CLN6: variants seen among roughly 807,000 people sequenced by gnomAD.
The protein encoded by CLN6 is CLN6 transmembrane ER protein, also known as ceroid-lipofuscinosis neuronal protein 6.
A neutral mutation model predicts 33.3 loss-of-function variants in CLN6; 22 were observed. That is an observed-to-expected ratio of 0.66 (90% confidence interval 0.47 to 0.94). The LOEUF is 0.94. Ranked by LOEUF, CLN6 falls within the 40% of genes least tolerant of loss-of-function variation. The probability of loss-of-function intolerance (pLI) is 0.00; values close to 1 mark genes in which losing one functional copy is unlikely to be tolerated. For synonymous variants in CLN6, 201 were observed against 174.6 expected, an observed-to-expected ratio of 1.15 and a Z score of -1.19; for missense variants, 387 against 417.1, an observed-to-expected ratio of 0.93 and a Z score of 0.63.
At chr15:68,238,299 G>C (rs1461544931) in intron 1 of CLN6, among the ~76,000 whole-genome samples, 1 of 151,978 alleles carries the variant, frequency 6.6e-6, no homozygotes, top group Non-Finnish European at 1.5e-5. Context: ...AGCTACTCGG[G>C]AGGCTGAGGC....
At chr15:68,234,578 C>T (rs1204067919), upstream of CLN6, among the ~76,000 whole-genome samples, 3 of 152,192 alleles carry the variant, frequency 2.0e-5, no homozygotes, top group South Asian at 2.1e-4. The surrounding 1 kb of genome is among the most constrained non-coding windows in gnomAD (Gnocchi z 4.1). Flanking sequence ...CCTGCTGTCC[C>T]CATGACAGCC....
chr15:68,247,888 T>C lies in CLN6; in HGVS notation c.179+8802A>G, dbSNP rs1892342483. On this transcript the variant is annotated intron_variant, in intron 1 of 6. Coordinates refer to the CLN6 transcript ENST00000538696. The surrounding 1 kb of genome is among the most constrained non-coding windows in gnomAD (Gnocchi z 4.2). ...TACTAAAAATACAAAATTAGCTGGG[T>C]GTGGTGGCACATGCCTGTAATCCTA... 1.3e-5 allele frequency among the ~76,000 whole-genome samples: 2 copies of C among 151,878 alleles called. No individual in the cohort carries two copies. The highest frequency in any genetic ancestry group is 4.8e-5 in the African/African-American group (2 of 41,330).
rs6494725 is a variant in CLN6, at chr15:68,242,679, T to C, written c.179+14011A>G. On this transcript the variant is annotated intron_variant, in intron 1 of 6. Coordinates refer to the CLN6 transcript ENST00000538696. This position sits in a 1 kb window ranked among gnomAD's most constrained non-coding sequence, Gnocchi z 5.0. The stretch of plus-strand genomic sequence containing the variant: ...GAAATAAAGACAGTTTTAAAGATTA[T>C]TGGTAAAATAAAATGTCTTGAAAGT... Among the ~76,000 whole-genome samples, 10,954 of 152,258 alleles carry C rather than the reference T, an allele frequency of 0.072. 1,103 individuals are homozygous for C. The highest frequency in any genetic ancestry group is 0.23 in the African/African-American group (9,412 of 41,520).
rs187286005 is a variant in CLN6 at position 68,228,623 on chromosome 15, T to A, written c.83+879A>T. On this transcript the variant is annotated intron_variant, in intron 1 of 6. Coordinates refer to ENST00000249806, the MANE Select transcript of CLN6 (RefSeq NM_017882.3). This position sits in a 1 kb window ranked among gnomAD's most constrained non-coding sequence, Gnocchi z 4.4. ...TGCCCTTCCCCACTGTTTCCCTGGA[T>A]GGAACAGCCTGTCTTCCCTGGGTCC... Among the ~76,000 whole-genome samples the A allele has an allele frequency of 4.6e-5, 7 of 152,258 alleles. No homozygotes were observed. Among genetic ancestry groups the A allele is most frequent in the African/African-American group, 1.4e-4 (6 of 41,552 alleles).
At chr15:68,230,995 C>T (rs996251077), upstream of CLN6, among the ~76,000 whole-genome samples, 1 of 152,244 alleles carries the variant, frequency 6.6e-6, no homozygotes, top group African/African-American at 2.4e-5. This position sits in a 1 kb window ranked among gnomAD's most constrained non-coding sequence, Gnocchi z 4.0. Flanking sequence ...GGATGTGCCT[C>T]AGATGCAAAT....
At chr15:68,229,332 G>A (rs2093261471) in intron 1 of CLN6, among the ~76,000 whole-genome samples, 170 bp downstream of exon 1, 2 of 152,192 alleles carry the variant, frequency 1.3e-5, no homozygotes, top group Admixed American at 1.3e-4. Context: ...GGAAACGCGG[G>A]GGCACCGCCG....
rs1032506610 is a variant in CLN6 at position 68,246,783 on chromosome 15, T to C, written c.179+9907A>G. Among the ~76,000 whole-genome samples, 1 of 152,004 alleles carries C rather than the reference T, an allele frequency of 6.6e-6. No homozygotes were observed. The highest frequency in any genetic ancestry group is 2.4e-5 in the African/African-American group (1 of 41,334). On this transcript the variant is annotated intron_variant, in intron 1 of 6. Transcript: ENST00000538696. This position sits in a 1 kb window ranked among gnomAD's most constrained non-coding sequence, Gnocchi z 4.5. ...ATAGAGAAAATCAATGAAATGAAAA[T>C]TGGTTTTTTGAAAAGATAAACAAAA...
rs181325147 is a variant in CLN6, at chr15:68,224,513, T to C, written c.83+4989A>G. On this transcript the variant is annotated intron_variant, in intron 1 of 6. Coordinates refer to ENST00000249806, the MANE Select transcript of CLN6 (RefSeq NM_017882.3). ...GGTGCACACCTGTAATCTCAGCTACTGGGGAGGCTGAGGCATGAGAATTGC... is the reference window on the plus strand; with the variant it reads ...GGTGCACACCTGTAATCTCAGCTACCGGGGAGGCTGAGGCATGAGAATTGC... Among the ~76,000 whole-genome samples, 196 of 146,424 alleles carry C rather than the reference T, an allele frequency of 1.3e-3. 1 individual carries two copies. Among genetic ancestry groups the C allele is most frequent in the Non-Finnish European group, 2.3e-3 (155 of 67,374 alleles).
At chr15:68,224,362 C>T (rs1657131746) in intron 1 of CLN6, among the ~76,000 whole-genome samples, 1 of 151,322 alleles carries the variant, frequency 6.6e-6, no homozygotes, top group Non-Finnish European at 1.5e-5. Flanking sequence ...TGGCTCATGC[C>T]TGTAATCCCA....
intron 1 of CLN6, among the ~76,000 whole-genome samples, chr15:68,238,339 G>A (rs2141161118): frequency 6.6e-6 from 1 of 152,156 alleles, no homozygotes; most frequent in African/African-American, 2.4e-5. Context: ...GGGAGTCAGA[G>A]GTTGCAGTGA....
In CLN6 at chr15:68,241,677, G is replaced by GAC. The variant is rs1342355453; in HGVS notation, c.179+15011_179+15012dup. 6.6e-6 allele frequency among the ~76,000 whole-genome samples: 1 copy of GAC among 152,160 alleles called. No individual in the cohort carries two copies. Among genetic ancestry groups the GAC allele is most frequent in the Admixed American group, 6.5e-5 (1 of 15,272 alleles). ...ATGGTTCTGTAACTCGGCCAAAGAA[G>GAC]ACACCAAATCAGAGTGGCTGTTAGC... On this transcript the variant is annotated intron_variant, in intron 1 of 6. Coordinates refer to the CLN6 transcript ENST00000538696. The surrounding 1 kb of genome is among the most constrained non-coding windows in gnomAD (Gnocchi z 4.2).
intron 1 of CLN6, 60 bp from the exon 2 acceptor site, chr15:68,218,710 CCT>C (rs1385796671): frequency 2.2e-5 from 28 of 1,288,986 alleles, no homozygotes; most frequent in East Asian, 7.0e-5. Context: ...AAAATCTTCC[CCT>C]GAGATTAGCC....
rs1483696788 is a variant in CLN6, at chr15:68,241,044, T to G, written c.179+15646A>C. Among the ~76,000 whole-genome samples the G allele has an allele frequency of 6.8e-6, 1 of 146,936 alleles. No individual in the cohort carries two copies. The highest frequency in any genetic ancestry group is 1.5e-5 in the Non-Finnish European group (1 of 66,892). On this transcript the variant is annotated intron_variant, in intron 1 of 6. Coordinates refer to the CLN6 transcript ENST00000538696. This position sits in a 1 kb window ranked among gnomAD's most constrained non-coding sequence, Gnocchi z 4.2. ...ATTCACAAATAAGCAAGAATATGAA[T>G]GAAGAACAGAAGAAAGCTGCAAATA...
intron 3 of CLN6, chr15:68,214,055 G>A (rs923191664): frequency 1.2e-5 from 6 of 480,928 alleles, no homozygotes; most frequent in African/African-American, 7.9e-5. Context: ...GGCACGCCAG[G>A]CTGAGGCTCA....
intron 1 of CLN6, among the ~76,000 whole-genome samples, chr15:68,240,781 C>T (rs1239529052): frequency 2.7e-5 from 4 of 150,828 alleles, no homozygotes; most frequent in African/African-American, 4.9e-5. Flanking sequence ...GTTGGGAGTT[C>T]GAGACCACCC....
upstream of CLN6, among the ~76,000 whole-genome samples, chr15:68,232,024 T>C (rs1235125242): frequency 6.6e-6 from 1 of 152,196 alleles, no homozygotes; most frequent in African/African-American, 2.4e-5. This position sits in a 1 kb window ranked among gnomAD's most constrained non-coding sequence, Gnocchi z 4.7. Flanking sequence ...GTCTCAGCTC[T>C]CTGAGCTGCA....
chr15:68,234,471 T>G, upstream of CLN6, among the ~76,000 whole-genome samples: 1 of 152,176 alleles, frequency 6.6e-6, no homozygotes. The surrounding 1 kb of genome is among the most constrained non-coding windows in gnomAD (Gnocchi z 4.1). Flanking sequence ...GTTTGCAACT[T>G]GAACAAAAGC....
intron 1 of CLN6, among the ~76,000 whole-genome samples, chr15:68,252,736 C>G (rs922947943): frequency 5.9e-5 from 9 of 152,204 alleles, no homozygotes; most frequent in African/African-American, 2.2e-4. Context: ...TAGCTACACA[C>G]ATCAACCTGG....
rs8037734 is a variant in CLN6, at chr15:68,227,533, G to A, written c.83+1969C>T. On this transcript the variant is annotated intron_variant, in intron 1 of 6. Transcript: ENST00000249806. The surrounding 1 kb of genome is among the most constrained non-coding windows in gnomAD (Gnocchi z 4.1). ...TGGGAATGGGCTGAAGCCACATTGTGGGGGGCAGAGACACCCTGGGAGACA... is the reference window on the plus strand; with the variant it reads ...TGGGAATGGGCTGAAGCCACATTGTAGGGGGCAGAGACACCCTGGGAGACA... Among the ~76,000 whole-genome samples, 72,342 of 151,864 alleles carry A rather than the reference G, an allele frequency of 0.48. 18,078 individuals carry two copies. The highest frequency in any genetic ancestry group is 0.56 in the Non-Finnish European group (37,835 of 67,916).
Sources: allele counts gnomAD v4.1 joint callset (sites outside exome capture counted in the v4.1 genomes callset), GRCh38; gene constraint gnomAD v4.1.1; non-coding constraint Gnocchi (gnomAD v3.1); transcripts MANE v1.5; gene names NCBI Gene and HGNC (gene_info 2026-07-23, HGNC 2026-07-21).